PDE9A: variants seen among roughly 807,000 people sequenced by gnomAD.
PDE9A encodes phosphodiesterase 9A, also known as high affinity cGMP-specific 3',5'-cyclic phosphodiesterase 9A.
Under a neutral mutation model 87.4 loss-of-function variants are expected in PDE9A, and 60 were observed. The observed-to-expected ratio is 0.69, with a 90% CI of 0.56 to 0.85. The LOEUF (loss-of-function observed/expected upper bound fraction) is 0.85. Among genes scored for constraint, PDE9A ranks in the 40% least tolerant of loss-of-function variants. The pLI is 0.00. For missense variants in PDE9A, 665 were observed against 779.0 expected, an observed-to-expected ratio of 0.85 and a Z score of 1.74; for synonymous variants, 272 against 279.4, an observed-to-expected ratio of 0.97 and a Z score of 0.27.
At chr21:42,712,318 C>T (rs2049425018) in intron 4 of PDE9A, among the ~76,000 whole-genome samples, 1 of 151,958 alleles carries the variant, frequency 6.6e-6, no homozygotes, top group Admixed American at 6.6e-5. Context: ...ATTAATTTTC[C>T]AATTGTTTGC....
intron 1 of PDE9A, among the ~76,000 whole-genome samples, chr21:42,663,201 C>T (rs1223870603): frequency 6.6e-6 from 1 of 151,030 alleles, no homozygotes; most frequent in Non-Finnish European, 1.5e-5. Context: ...ACCACACCCA[C>T]CACACACATG....
At chr21:42,741,346 G>C (rs547160104) in intron 7 of PDE9A, 1 of 152,370 alleles carries the variant, frequency 6.6e-6, no homozygotes, top group South Asian at 2.1e-4. Flanking sequence ...CAGCTTCCTT[G>C]AGGGGCCCAT....
At position 42,766,172 on chromosome 21, in the gene PDE9A, A is replaced by G. The variant is rs117028256; in HGVS notation, c.1356+678A>G. Among the ~76,000 whole-genome samples, 123 of 151,324 alleles carry G rather than the reference A, an allele frequency of 8.1e-4. 3 individuals are homozygous for G. The East Asian group carries it at 0.021, about 26-fold the overall frequency. On this transcript the variant is annotated intron_variant, in intron 15 of 19. Coordinates refer to ENST00000291539, the MANE Select transcript of PDE9A (RefSeq NM_002606.3). ...TAGCAAGACTCCATCTCCACAAAAA[A>G]AGAAAGAAAAATAAAAAAATCAGTG...
intron 1 of PDE9A, among the ~76,000 whole-genome samples, chr21:42,680,691 T>A (rs2059122085): frequency 6.6e-6 from 1 of 152,150 alleles, no homozygotes; most frequent in African/African-American, 2.4e-5. Flanking sequence ...CTCTCTTCCT[T>A]CTCTGGATTC....
intron 1 of PDE9A, among the ~76,000 whole-genome samples, chr21:42,678,623 G>A (rs574838153): frequency 2.0e-5 from 3 of 152,348 alleles, no homozygotes; most frequent in Non-Finnish European, 4.4e-5. Flanking sequence ...CTAAAAAAAA[G>A]TTTTCACATA....
intron 8 of PDE9A, among the ~76,000 whole-genome samples, chr21:42,747,418 C>A (rs1206631738): frequency 6.6e-6 from 1 of 152,194 alleles, no homozygotes; most frequent in African/African-American, 2.4e-5. Context: ...CTAGCTCAGC[C>A]CCGTGCCACA....
intron 1 of PDE9A, among the ~76,000 whole-genome samples, chr21:42,677,390 C>T (rs1038767262): frequency 6.6e-6 from 1 of 152,170 alleles, no homozygotes; most frequent in Non-Finnish European, 1.5e-5. Context: ...TGAAAGGTAA[C>T]ACAGACATTT....
chr21:42,753,195 G>A (rs983133764), intron 9 of PDE9A, among the ~76,000 whole-genome samples: 12 of 152,032 alleles, frequency 7.9e-5, no homozygotes, highest in Non-Finnish European at 1.8e-4. Flanking sequence ...TTGTAGAGTC[G>A]GGATTCCACC....
intron 1 of PDE9A, among the ~76,000 whole-genome samples, chr21:42,656,753 G>A (rs1369575143): frequency 6.6e-6 from 1 of 151,908 alleles, no homozygotes; most frequent in African/African-American, 2.4e-5. Flanking sequence ...GGCGTGTGAA[G>A]TGAGTCGGAG....
chr21:42,667,499 G>A (rs2058089047), intron 1 of PDE9A, among the ~76,000 whole-genome samples: 1 of 152,120 alleles, frequency 6.6e-6, no homozygotes, highest in African/African-American at 2.4e-5. Flanking sequence ...TGCCCAGTAT[G>A]TTTGTTTTGT....
At chr21:42,686,478 G>T (rs1035732560) in intron 2 of PDE9A, among the ~76,000 whole-genome samples, 19 of 152,254 alleles carry the variant, frequency 1.2e-4, no homozygotes, top group African/African-American at 4.6e-4. Context: ...TCCACAAGGA[G>T]GAAACCGTCG....
chr21:42,710,233 C>A (rs2049196403), intron 4 of PDE9A, among the ~76,000 whole-genome samples: 1 of 151,908 alleles, frequency 6.6e-6, no homozygotes, highest in Non-Finnish European at 1.5e-5. Context: ...CATGGCAAAA[C>A]CCCATCTCTA....
At chr21:42,731,986 C>T (rs535694216) in intron 5 of PDE9A, 37 bp downstream of exon 5, 24 of 1,611,934 alleles carry the variant, frequency 1.5e-5, no homozygotes, top group Middle Eastern at 1.6e-4. Context: ...CTCCACCCCC[C>T]AACACGTGGG....
At chr21:42,761,486 C>G (rs1345247159) in intron 13 of PDE9A, among the ~76,000 whole-genome samples, 1 of 152,246 alleles carries the variant, frequency 6.6e-6, no homozygotes, top group African/African-American at 2.4e-5. Flanking sequence ...CGGACAAGGT[C>G]CAGGCCATGG....
chr21:42,663,043 A>G (rs552278843), intron 1 of PDE9A, among the ~76,000 whole-genome samples: 2 of 143,102 alleles, frequency 1.4e-5, no homozygotes, highest in Admixed American at 1.4e-4. Context: ...CATGCACATC[A>G]CATACATGCA....
At chr21:42,758,284 A>G (rs1187139742) in intron 10 of PDE9A, 2 of 152,206 alleles carry the variant, frequency 1.3e-5, no homozygotes, top group South Asian at 2.1e-4. Context: ...CACAATGACA[A>G]TCCTCTTTGG....
At chr21:42,693,299 CTTTTT>C (rs10714757) in intron 3 of PDE9A, among the ~76,000 whole-genome samples, 2 of 133,352 alleles carry the variant, frequency 1.5e-5, no homozygotes, top group Admixed American at 7.3e-5. Context: ...ACCCAGGAAT[CTTTTT>C]TTTTTTTTTT....
At position 42,707,249 on chromosome 21, in the gene PDE9A, C is replaced by A. The variant is rs149476076; in HGVS notation, c.262+8238C>A. Among the ~76,000 whole-genome samples, 286 of 152,318 alleles carry A rather than the reference C, an allele frequency of 1.9e-3. 3 individuals are homozygous for A. Among genetic ancestry groups the A allele is most frequent in the African/African-American group, 6.8e-3 (282 of 41,568 alleles). Reference sequence around the variant, plus strand: ...TGCTGAAAGTTCACAGCAGAGGATACCGGATGCTGCGGGTGTGCCAGGCTG... The same window carrying A: ...TGCTGAAAGTTCACAGCAGAGGATAACGGATGCTGCGGGTGTGCCAGGCTG... On this transcript the variant is annotated intron_variant, in intron 4 of 19. Coordinates refer to ENST00000291539, the MANE Select transcript of PDE9A (RefSeq NM_002606.3).
intron 3 of PDE9A, among the ~76,000 whole-genome samples, chr21:42,688,651 T>C (rs2059612781): frequency 6.6e-6 from 1 of 152,154 alleles, no homozygotes; most frequent in Admixed American, 6.5e-5. Flanking sequence ...GGAACTTAGA[T>C]TTCCTCATGA....
Sources: allele counts gnomAD v4.1 joint callset (sites outside exome capture counted in the v4.1 genomes callset), GRCh38; gene constraint gnomAD v4.1.1; transcripts MANE v1.5; gene names NCBI Gene and HGNC (gene_info 2026-07-23, HGNC 2026-07-21).